Variants in ATP8A2 observed in about 807,000 individuals in gnomAD.
ATP8A2 encodes the protein ATPase phospholipid transporting 8A2.
A neutral mutation model predicts 165.6 loss-of-function variants in ATP8A2; 100 were observed. That is an observed-to-expected ratio of 0.60 (90% CI 0.51 to 0.71). The LOEUF (loss-of-function observed/expected upper bound fraction) is 0.71. Ranked by LOEUF, ATP8A2 falls within the 30% of genes least tolerant of loss-of-function variation. The probability of loss-of-function intolerance (pLI) is 0.00; values close to 1 mark genes in which losing one functional copy is unlikely to be tolerated. For missense variants in ATP8A2, 1,227 were observed against 1,479.5 expected (o/e 0.83, Z 2.80); for synonymous variants, 543 against 548.8 (o/e 0.99, Z 0.15).
intron 24 of ATP8A2, among the ~76,000 whole-genome samples, chr13:25,602,383 GC>G (rs1297214930): frequency 2.6e-5 from 4 of 152,172 alleles, no homozygotes; most frequent in Non-Finnish European, 5.9e-5. Context: ...TGACTTTGGA[GC>G]CGACTTGCTG....
intron 33 of ATP8A2, among the ~76,000 whole-genome samples, chr13:25,954,753 G>A (rs1406927284): frequency 6.6e-6 from 1 of 152,146 alleles, no homozygotes; most frequent in East Asian, 1.9e-4. Flanking sequence ...TGCAGCAGAG[G>A]GACCTGACTG....
chr13:25,664,369 A>G (rs1210191895), intron 24 of ATP8A2, among the ~76,000 whole-genome samples: 1 of 152,202 alleles, frequency 6.6e-6, no homozygotes, highest in Non-Finnish European at 1.5e-5. Flanking sequence ...ATTTGATGTC[A>G]TCATTTCCTT....
chr13:25,842,133 G>C (rs1028976734), intron 30 of ATP8A2, among the ~76,000 whole-genome samples: 2 of 152,206 alleles, frequency 1.3e-5, no homozygotes, highest in African/African-American at 4.8e-5. Flanking sequence ...GCTGTTTCAA[G>C]TAAACCATAG....
At chr13:25,602,794 A>G (rs1466704810) in intron 24 of ATP8A2, among the ~76,000 whole-genome samples, 1 of 152,218 alleles carries the variant, frequency 6.6e-6, no homozygotes, top group Admixed American at 6.5e-5. Flanking sequence ...TATCTGGGCC[A>G]GGCACAGTGG....
At chr13:25,975,004 A>T (rs1956000422) in intron 35 of ATP8A2, among the ~76,000 whole-genome samples, 1 of 151,488 alleles carries the variant, frequency 6.6e-6, no homozygotes, top group African/African-American at 2.4e-5. Context: ...TTCTCTTCTC[A>T]CGTGTGCGAC....
chr13:25,927,300 T>G (rs1433831962), intron 33 of ATP8A2: 1 of 445,840 alleles, frequency 2.2e-6, no homozygotes, highest in African/African-American at 2.0e-5. Context: ...AGTCCATGGC[T>G]TCTTCATTTC....
Position 25,491,554 on chromosome 13 carries a change from T to C in ATP8A2, c.221+22433T>C, listed in dbSNP as rs2036528847. 4.6e-5 allele frequency among the ~76,000 whole-genome samples: 7 copies of C among 152,178 alleles called. No homozygotes were observed. In the South Asian group the frequency reaches 1.4e-3, roughly 31 times the overall value. On this transcript the variant is annotated intron_variant, in intron 2 of 36. Transcript: ENST00000381655. ...CTGAGTTTACATAGTAGCTATGAAA[T>C]AGTGACAGTACAGCGTTTATAAACA... is the stretch of plus-strand genomic sequence containing the variant.
chr13:25,435,379 A>G lies in ATP8A2; in HGVS notation c.77-33598A>G, dbSNP rs569697340. 2.6e-4 allele frequency among the ~76,000 whole-genome samples: 39 copies of G among 152,264 alleles called. 3 individuals are homozygous for G. In the South Asian group the frequency reaches 5.6e-3, roughly 22 times the overall value. ...CGTGATCCACCTGCCTCGGCCTCCC[A>G]AAGTCCTGAGATTACAGGCGTGAAC... On this transcript the variant is annotated intron_variant, in intron 1 of 36. Transcript: ENST00000381655.
At chr13:25,731,770 C>G (rs976551378) in intron 25 of ATP8A2, among the ~76,000 whole-genome samples, 1 of 152,150 alleles carries the variant, frequency 6.6e-6, no homozygotes, top group Non-Finnish European at 1.5e-5. Flanking sequence ...CATGAGGTGA[C>G]GAATACAAAT....
intron 1 of ATP8A2, among the ~76,000 whole-genome samples, chr13:25,423,067 C>T (rs1223394413): frequency 6.6e-6 from 1 of 152,072 alleles, no homozygotes; most frequent in Non-Finnish European, 1.5e-5. Flanking sequence ...CACGTGTCTT[C>T]TTTCACTGCT....
intron 1 of ATP8A2, among the ~76,000 whole-genome samples, chr13:25,398,512 A>G (rs191461306): frequency 1.5e-4 from 23 of 152,306 alleles, no homozygotes; most frequent in African/African-American, 5.3e-4. Context: ...TACAGCTTTC[A>G]TATGTACAAT....
intron 19 of ATP8A2, among the ~76,000 whole-genome samples, chr13:25,576,209 C>T (rs917802469): frequency 1.3e-5 from 2 of 152,050 alleles, no homozygotes; most frequent in African/African-American, 4.8e-5. Context: ...GGGAATTTAC[C>T]CAGAGCTGAA....
chr13:25,998,326 T>G (rs764016920), intron 35 of ATP8A2, among the ~76,000 whole-genome samples: 26 of 152,186 alleles, frequency 1.7e-4, no homozygotes, highest in Non-Finnish European at 3.1e-4. Flanking sequence ...CTGCTTGGTC[T>G]TCTTTTTCAC....
chr13:25,869,397 G>A (rs1952615809), intron 33 of ATP8A2, among the ~76,000 whole-genome samples: 2 of 152,180 alleles, frequency 1.3e-5, no homozygotes, highest in African/African-American at 4.8e-5. Context: ...ATTGCCTCTG[G>A]ATTCTCTGGA....
rs750694969 is a variant in ATP8A2 at position 26,024,770 on chromosome 13, A to G, written c.*4785A>G. On this transcript the variant is annotated 3_prime_UTR_variant, in exon 37 of 37. Coordinates refer to ENST00000381655, the MANE Select transcript of ATP8A2 (RefSeq NM_016529.6). Reference sequence around the variant, plus strand: ...AAAAACATGCTCTCAAGATTAGCCCATAGGCAGTTCTTGTGACCTGGCTGA... The same window carrying G: ...AAAAACATGCTCTCAAGATTAGCCCGTAGGCAGTTCTTGTGACCTGGCTGA... The G allele has an allele frequency of 3.3e-5, 5 of 152,232 alleles. No homozygotes were observed. Among genetic ancestry groups the G allele is most frequent in the African/African-American group, 1.2e-4 (5 of 41,470 alleles). 9.4% of individuals were successfully genotyped at this position (152,232 alleles called of 1,614,324 possible).
chr13:25,508,864 G>T (rs1322205394), intron 2 of ATP8A2, among the ~76,000 whole-genome samples: 1 of 152,200 alleles, frequency 6.6e-6, no homozygotes, highest in African/African-American at 2.4e-5. Flanking sequence ...TAATAGACTT[G>T]AGCCTTGCTT....
chr13:25,819,031 C>G, intron 27 of ATP8A2, among the ~76,000 whole-genome samples: 1 of 152,144 alleles, frequency 6.6e-6, no homozygotes, highest in Non-Finnish European at 1.5e-5. Context: ...GAAAAAATAA[C>G]TTGCCCTCTT....
At chr13:25,721,415 C>G (rs1045994634) in intron 25 of ATP8A2, among the ~76,000 whole-genome samples, 1 of 152,276 alleles carries the variant, frequency 6.6e-6, no homozygotes, top group East Asian at 1.9e-4. Flanking sequence ...AGGTCTTACT[C>G]AAAAATCTTT....
At chr13:25,839,497 G>T in intron 29 of ATP8A2, 49 bp from the exon 30 acceptor site, 1 of 1,364,352 alleles carries the variant, frequency 7.3e-7, no homozygotes, top group Non-Finnish European at 1.1e-6. Flanking sequence ...TTTCACAGAG[G>T]TCAAGCGTTT....
Sources: allele counts gnomAD v4.1 joint callset (sites outside exome capture counted in the v4.1 genomes callset), GRCh38; gene constraint gnomAD v4.1.1; transcripts MANE v1.5; gene names NCBI Gene and HGNC (gene_info 2026-07-23, HGNC 2026-07-21).